The following CCSER1 variants were observed in gnomAD, a reference collection of about 807,000 sequenced individuals.
CCSER1 encodes coiled-coil serine rich protein 1, also known as serine-rich coiled-coil domain-containing protein 1.
A neutral mutation model predicts 82.0 loss-of-function variants in CCSER1; 41 were observed. That is an observed-to-expected ratio of 0.50 (90% CI 0.39 to 0.65). The LOEUF is 0.65. Ranked by LOEUF, CCSER1 falls within the 30% of genes least tolerant of loss-of-function variation. The pLI, the probability that CCSER1 is intolerant of heterozygous loss-of-function variation, is 0.00. For synonymous variants in CCSER1, 414 were observed against 383.9 expected (o/e 1.08, Z -0.92); for missense variants, 1,119 against 1,064.2 (o/e 1.05, Z -0.72).
intron 5 of CCSER1, among the ~76,000 whole-genome samples, chr4:90,517,066 A>T (rs1772386460): frequency 2.0e-5 from 3 of 152,180 alleles, no homozygotes; most frequent in Admixed American, 2.0e-4. Flanking sequence ...TAATCCACCT[A>T]ACCTGCCAAA....
At chr4:90,719,057 C>T (rs185533589) in intron 6 of CCSER1, among the ~76,000 whole-genome samples, 2,267 of 152,022 alleles carry the variant, frequency 0.015, 59 homozygotes, top group African/African-American at 0.052. Context: ...GGCCACGGAC[C>T]ACTGGTCCGT....
chr4:90,530,736 T>G (rs532115994), intron 5 of CCSER1, among the ~76,000 whole-genome samples: 2 of 152,300 alleles, frequency 1.3e-5, no homozygotes, highest in South Asian at 4.1e-4. Context: ...CAGTGCTATG[T>G]TGAGTCCACC....
intron 5 of CCSER1, among the ~76,000 whole-genome samples, chr4:90,611,796 A>G (rs969285079): frequency 1.3e-5 from 2 of 148,304 alleles, no homozygotes; most frequent in African/African-American, 4.9e-5. Flanking sequence ...TATATATTAT[A>G]TATTTAAAAT....
At chr4:90,934,592 C>A (rs1208901330) in intron 9 of CCSER1, among the ~76,000 whole-genome samples, 2 of 152,134 alleles carry the variant, frequency 1.3e-5, no homozygotes, top group African/African-American at 4.8e-5. Context: ...CAGTATTCTA[C>A]AAGACACCTC....
chr4:90,978,881 G>A (rs1735851053), intron 9 of CCSER1, among the ~76,000 whole-genome samples: 1 of 151,660 alleles, frequency 6.6e-6, no homozygotes, highest in Non-Finnish European at 1.5e-5. Context: ...TTGAATACCA[G>A]TTTCCCATTT....
chr4:90,400,055 G>T lies in CCSER1; in HGVS notation c.1529G>T (p.Gly510Val). 6.2e-7 allele frequency: 1 copy of T among 1,603,434 alleles called. No individual in the cohort carries two copies. Among genetic ancestry groups the T allele is most frequent in the South Asian group, 1.1e-5 (1 of 90,302 alleles). ...CTTCAGGATGTTTTGAATAATTTGG[G>T]ATCTTGTGAACTGGATGAAGATGAT... ...MNSLDVLNNLGSCELDEDDLM... is the reference protein window; with the variant it reads ...MNSLDVLNNLVSCELDEDDLM... Residue 510 changes from glycine (G) to valine (V), a missense_variant, in exon 4 of 11, where the codon GGA becomes GTA. Transcript: ENST00000509176.
intron 10 of CCSER1, among the ~76,000 whole-genome samples, chr4:91,467,026 A>G (rs1756953173): frequency 6.6e-6 from 1 of 152,226 alleles, no homozygotes; most frequent in Middle Eastern, 3.2e-3. Flanking sequence ...ATATGGAACC[A>G]AAGAAGAGCC....
intron 5 of CCSER1, among the ~76,000 whole-genome samples, chr4:90,503,895 A>G (rs1213169251): frequency 2.0e-5 from 3 of 152,232 alleles, no homozygotes; most frequent in South Asian, 2.1e-4. Context: ...ACATGCTTAG[A>G]CTTTTTGACT....
chr4:91,014,790 G>A (rs1053494498), intron 9 of CCSER1, among the ~76,000 whole-genome samples: 2 of 152,138 alleles, frequency 1.3e-5, no homozygotes, highest in African/African-American at 4.8e-5. Flanking sequence ...AACAAATAGT[G>A]TAAAGGCATA....
chr4:91,149,890 T>C lies in CCSER1; in HGVS notation c.2217+63896T>C, dbSNP rs569847337. On this transcript the variant is annotated intron_variant, in intron 10 of 10. Coordinates refer to ENST00000509176, the MANE Select transcript of CCSER1 (RefSeq NM_001145065.2). ...TGTTTTGGTTACTGTAGCCTTGTAG[T>C]ATAGTTTGAAGTCAGGTAGCATGAT... 1.4e-3 allele frequency among the ~76,000 whole-genome samples: 213 copies of C among 152,284 alleles called. 3 individuals are homozygous for C. Among genetic ancestry groups the C allele is most frequent in the Admixed American group, 0.011 (169 of 15,296 alleles).
rs1723688401 is a variant in CCSER1 at position 90,628,231 on chromosome 4, A to G, written c.1931A>G (p.Glu644Gly). ...TTAAAGATGAAGAGAGTTCTTCAAGAGGTAATGGTTTCCTCTAAGATTAAT... is the reference window on the plus strand; with the variant it reads ...TTAAAGATGAAGAGAGTTCTTCAAGGGGTAATGGTTTCCTCTAAGATTAAT... ...LLLKMKRVLQ[E>G]SADMSPASST... The change falls in exon 6 of 11, where the codon GAG (glutamate) becomes GGG (glycine). Residue 644 changes from glutamate to glycine, a missense_variant and splice_region_variant. Coordinates refer to ENST00000509176, the MANE Select transcript of CCSER1 (RefSeq NM_001145065.2). 3 of 1,609,204 alleles carry G rather than the reference A, an allele frequency of 1.9e-6. No individual in the cohort carries two copies. The highest frequency in any genetic ancestry group is 1.7e-5 in the Admixed American group (1 of 59,992).
intron 9 of CCSER1, among the ~76,000 whole-genome samples, chr4:90,932,080 TG>T (rs1729890510): frequency 6.6e-6 from 1 of 152,218 alleles, no homozygotes; most frequent in African/African-American, 2.4e-5. Context: ...GAAAGCCACA[TG>T]TATCATTAAC....
At chr4:90,837,498 GATT>G (rs1485940315) in intron 8 of CCSER1, among the ~76,000 whole-genome samples, 1 of 152,080 alleles carries the variant, frequency 6.6e-6, no homozygotes, top group Non-Finnish European at 1.5e-5. Context: ...GTAAAATGGA[GATT>G]ATAATACCTA....
At chr4:91,180,627 T>G (rs1243292128) in intron 10 of CCSER1, among the ~76,000 whole-genome samples, 1 of 152,176 alleles carries the variant, frequency 6.6e-6, no homozygotes, top group East Asian at 1.9e-4. Flanking sequence ...GGATTTAATC[T>G]CCTGGTGTGC....
chr4:90,611,059 C>CTTTTTTTTTTTTTTTTTTTTTTTTT lies in CCSER1; in HGVS notation c.1725-16946_1725-16945insTTTTTTTTTTTTTTTTTTTTTTTTT, dbSNP rs201354908. Among the ~76,000 whole-genome samples the CTTTTTTTTTTTTTTTTTTTTTTTTT allele has an allele frequency of 8.5e-5, 8 of 93,822 alleles. 1 individual carries two copies. The highest frequency in any genetic ancestry group is 3.2e-4 in the East Asian group (1 of 3,084). 61.6% of individuals were successfully genotyped at this position (93,822 alleles called of 152,430 possible). ...TGCCTGGCTAATTTTCTTTTCTTTT[C>CTTTTTTTTTTTTTTTTTTTTTTTTT]TTTTTTTTTTTTTTTTTTTTGTAGA... On this transcript the variant is annotated intron_variant, in intron 5 of 10. Coordinates refer to ENST00000509176, the MANE Select transcript of CCSER1 (RefSeq NM_001145065.2).
chr4:90,665,477 T>A (rs1259264732), intron 6 of CCSER1, among the ~76,000 whole-genome samples: 1 of 151,838 alleles, frequency 6.6e-6, no homozygotes, highest in Admixed American at 6.6e-5. Flanking sequence ...ACCCGCCACC[T>A]CGCCCGGCTA....
intron 10 of CCSER1, among the ~76,000 whole-genome samples, chr4:91,255,726 G>T (rs1298741585): frequency 1.3e-5 from 2 of 152,114 alleles, no homozygotes; most frequent in African/African-American, 4.8e-5. Flanking sequence ...TGTCTTTACT[G>T]CAATCTCTGA....
At chr4:90,424,288 A>G (rs867157365) in intron 4 of CCSER1, among the ~76,000 whole-genome samples, 2 of 152,122 alleles carry the variant, frequency 1.3e-5, no homozygotes, top group Non-Finnish European at 1.5e-5. Flanking sequence ...AAAAATCCAT[A>G]GGGGTGATTT....
chr4:91,222,934 A>C (rs979725494), intron 10 of CCSER1, among the ~76,000 whole-genome samples: 2 of 152,172 alleles, frequency 1.3e-5, no homozygotes, highest in Non-Finnish European at 2.9e-5. Context: ...TAGAGATATT[A>C]TCAATGTTAT....
Sources: gnomAD v4.1 joint callset for allele counts (sites outside exome capture counted in the v4.1 genomes callset) on GRCh38, gnomAD v4.1.1 for gene constraint, MANE v1.5 for transcripts, NCBI Gene and HGNC (gene_info 2026-07-23, HGNC 2026-07-21) for gene names.